Variants in STARD13 observed in about 807,000 individuals in gnomAD.
STARD13 encodes the protein StAR related lipid transfer domain containing 13, also known as stAR-related lipid transfer protein 13.
Under a neutral mutation model 106.4 loss-of-function variants are expected in STARD13, and 62 were observed. The ratio of observed to expected loss-of-function variants is 0.58; its 90% confidence interval spans 0.48 to 0.72. The LOEUF is 0.72. STARD13 is among the 30% of genes least tolerant of loss of function. The pLI is 0.00. For missense variants in STARD13, 1,387 were observed against 1,424.0 expected (o/e 0.97, Z 0.42); for synonymous variants, 565 against 553.0 (o/e 1.02, Z -0.31).
At chr13:33,359,291 C>G in the STARD13 span, among the ~76,000 whole-genome samples, 1 of 152,028 alleles carries the variant, frequency 6.6e-6, no homozygotes, top group South Asian at 2.1e-4. Flanking sequence ...CCGGGAGAAA[C>G]GAACAACTCC....
chr13:33,511,720 G>A, the STARD13 span, among the ~76,000 whole-genome samples: 3 of 151,886 alleles, frequency 2.0e-5, no homozygotes, highest in South Asian at 4.1e-4. Flanking sequence ...AAAACTGGTC[G>A]CTGAGCTTCT....
At chr13:33,136,817 TG>T (rs144631198) in intron 4 of STARD13, among the ~76,000 whole-genome samples, 12,369 of 152,084 alleles carry the variant, frequency 0.081, 623 homozygotes, top group East Asian at 0.25. Flanking sequence ...TTCTTTGATG[TG>T]GGACAAGAAC....
At chr13:33,472,868 A>C in the STARD13 span, among the ~76,000 whole-genome samples, 2 of 151,968 alleles carry the variant, frequency 1.3e-5, no homozygotes, top group Admixed American at 1.3e-4. Context: ...AAATGTCTAG[A>C]TTTTAGAATA....
the STARD13 span, among the ~76,000 whole-genome samples, chr13:33,488,652 C>T: frequency 1.3e-5 from 2 of 152,188 alleles, no homozygotes; most frequent in Non-Finnish European, 2.9e-5. Flanking sequence ...CCAGACATTT[C>T]CTGATCATAC....
At chr13:33,473,464 CT>C in the STARD13 span, among the ~76,000 whole-genome samples, 2 of 152,312 alleles carry the variant, frequency 1.3e-5, no homozygotes, top group African/African-American at 4.8e-5. Context: ...AAGCCAATCA[CT>C]GAGACAATGA....
the STARD13 span, among the ~76,000 whole-genome samples, chr13:33,505,780 C>A: frequency 6.6e-6 from 1 of 152,082 alleles, no homozygotes; most frequent in Non-Finnish European, 1.5e-5. Flanking sequence ...GCTCATGAGT[C>A]CTTTTATGGT....
chr13:33,598,185 T>C, the STARD13 span, among the ~76,000 whole-genome samples: 1 of 152,198 alleles, frequency 6.6e-6, no homozygotes, highest in African/African-American at 2.4e-5. Context: ...CTCCTAGAGA[T>C]TTGGTATCCT....
the STARD13 span, among the ~76,000 whole-genome samples, chr13:33,620,035 C>T: frequency 1.3e-5 from 2 of 151,592 alleles, no homozygotes; most frequent in African/African-American, 2.4e-5. Context: ...CCAGCCTGGG[C>T]GACAAGAGCA....
chr13:33,209,656 A>G (rs1301783006), intron 1 of STARD13, among the ~76,000 whole-genome samples: 1 of 152,156 alleles, frequency 6.6e-6, no homozygotes, highest in Non-Finnish European at 1.5e-5. Flanking sequence ...ATGACAGGAC[A>G]TCTTGAATGA....
At chr13:33,614,552 A>G in the STARD13 span, among the ~76,000 whole-genome samples, 1 of 152,300 alleles carries the variant, frequency 6.6e-6, no homozygotes, top group South Asian at 2.1e-4. Context: ...GAGCTTCTGT[A>G]TTAGTGGGGG....
At chr13:33,420,990 A>G in the STARD13 span, among the ~76,000 whole-genome samples, 1 of 152,248 alleles carries the variant, frequency 6.6e-6, no homozygotes, top group Admixed American at 6.5e-5. Context: ...AAATGCCCCA[A>G]GAGAAAGCAG....
At position 33,128,955 on chromosome 13, in the gene STARD13, T is replaced by C. The variant is rs1363850588; in HGVS notation, c.1722A>G (p.Val574=). 3 of 1,613,618 alleles carry C rather than the reference T, an allele frequency of 1.9e-6. No homozygotes were observed. The highest frequency in any genetic ancestry group is 2.2e-5 in the East Asian group (1 of 44,888). The change falls in exon 5 of 14, where the codon GTA becomes GTG. Residue 574 remains valine, a synonymous_variant. Transcript: ENST00000336934. The part of the protein sequence containing the change: ...PGVRDRRDSG[V]GASLTRPNRR... The stretch of plus-strand genomic sequence containing the variant: ...TGTTTGGCCTGGTCAGAGAGGCCCC[T>C]ACACCAGAATCCCTCCTGTCTCTGA...
At chr13:33,182,969 C>T (rs1885390421) in intron 1 of STARD13, among the ~76,000 whole-genome samples, 1 of 152,198 alleles carries the variant, frequency 6.6e-6, no homozygotes, top group South Asian at 2.1e-4. Context: ...ATCCCCAGTC[C>T]CAGGCTGCTG....
At chr13:33,265,710 A>G (rs1046772425) in intron 1 of STARD13, among the ~76,000 whole-genome samples, 2 of 152,086 alleles carry the variant, frequency 1.3e-5, no homozygotes, top group African/African-American at 4.8e-5. Flanking sequence ...ATTTTTAGTC[A>G]TGCCAAAAGC....
At chr13:33,253,930 G>A (rs1274638496) in intron 1 of STARD13, among the ~76,000 whole-genome samples, 1 of 152,176 alleles carries the variant, frequency 6.6e-6, no homozygotes, top group Non-Finnish European at 1.5e-5. Context: ...CAGACCATGG[G>A]GGAACACCCT....
the STARD13 span, among the ~76,000 whole-genome samples, chr13:33,643,159 G>GCACGCACACA: frequency 2.1e-5 from 3 of 139,714 alleles, no homozygotes; most frequent in African/African-American, 7.7e-5. Context: ...CATAGAACAT[G>GCACGCACACA]CACACACACA....
the STARD13 span, among the ~76,000 whole-genome samples, chr13:33,460,405 C>T: frequency 5.3e-5 from 8 of 151,466 alleles, no homozygotes; most frequent in Non-Finnish European, 1.2e-4. Flanking sequence ...GCAGGAGAAC[C>T]GCTTGAACCT....
At chr13:33,515,276 AG>A in the STARD13 span, among the ~76,000 whole-genome samples, 3 of 152,204 alleles carry the variant, frequency 2.0e-5, no homozygotes, top group African/African-American at 7.2e-5. Context: ...TATTTAGAAA[AG>A]GTTCTGAGAG....
chr13:33,519,366 T>G, the STARD13 span, among the ~76,000 whole-genome samples: 2 of 151,246 alleles, frequency 1.3e-5, no homozygotes, highest in East Asian at 3.9e-4. Context: ...TTTTCATTTT[T>G]TTTTAAGATG....
Sources: gnomAD v4.1 joint callset for allele counts (sites outside exome capture counted in the v4.1 genomes callset) on GRCh38, gnomAD v4.1.1 for gene constraint, MANE v1.5 for transcripts, NCBI Gene and HGNC (gene_info 2026-07-23, HGNC 2026-07-21) for gene names.